The following PLA2G4F variants were observed in gnomAD, a reference collection of about 807,000 sequenced individuals.
PLA2G4F encodes the protein phospholipase A2 group IVF, also known as cytosolic phospholipase A2 zeta.
A neutral mutation model predicts 103.1 loss-of-function variants in PLA2G4F; 105 were observed. That is an observed-to-expected ratio of 1.02 (90% CI 0.87 to 1.20). The LOEUF (loss-of-function observed/expected upper bound fraction) is 1.20, where lower values mean the gene tolerates loss of function less well. Among genes scored for constraint, PLA2G4F ranks in the 50% most tolerant of loss-of-function variants. The probability of loss-of-function intolerance (pLI) is 0.00; values close to 1 mark genes in which losing one functional copy is unlikely to be tolerated. For synonymous variants in PLA2G4F, 468 were observed against 441.1 expected (o/e 1.06, Z -0.76); for missense variants, 1,155 against 1,075.9 (o/e 1.07, Z -1.03).
chr15:42,155,449 GC>G, intron 2 of PLA2G4F, 67 bp downstream of exon 2: 1 of 1,525,300 alleles, frequency 6.6e-7, no homozygotes, highest in Non-Finnish European at 9.1e-7. Context: ...CTGTTAGCCA[GC>G]CTGAGCTGAG....
chr15:42,142,095 A>G lies in PLA2G4F; in HGVS notation c.2439T>C (p.Tyr813=), dbSNP rs773319666. ...MNFTYEPQDF[Y]RLVALSRYNV... is the part of the protein sequence containing the mutation. ...TGTATCGACTGAGGGCCACCAGCCG[A>G]TAAAAGTCCTGGGGCTCATAGGTGA... The change falls in exon 20 of 20, where the codon TAT becomes TAC. Residue 813 remains tyrosine, a synonymous_variant. Transcript: ENST00000397272. The G allele has an allele frequency of 1.2e-6, 2 of 1,614,198 alleles. No homozygotes were observed. Among genetic ancestry groups the G allele is most frequent in the Non-Finnish European group, 8.5e-7 (1 of 1,180,022 alleles).
Position 42,146,128 on chromosome 15 carries a change from T to C in PLA2G4F, c.1533A>G (p.Ala511=), listed in dbSNP as rs1308237188. The C allele has an allele frequency of 6.2e-7, 1 of 1,613,688 alleles. No homozygotes were observed. The highest frequency in any genetic ancestry group is 1.7e-5 in the Admixed American group (1 of 60,026). The change falls in exon 14 of 20, where the codon GCA becomes GCG. Residue 511 remains alanine, a splice_region_variant and synonymous_variant. Transcript: ENST00000397272. ...TCCTTCGTCTCCACACCCAGGCACCTGCAAAATCTTCCCCACTCAAGTTGG... is the reference window on the plus strand; with the variant it reads ...TCCTTCGTCTCCACACCCAGGCACCCGCAAAATCTTCCCCACTCAAGTTGG... ...VRTNLSGEDF[A]EWCEFTPYEV...
Position 42,153,256 on chromosome 15 carries a change from G to T in PLA2G4F, c.534+44C>A, listed in dbSNP as rs371552729. 16 of 1,580,400 alleles carry T rather than the reference G, an allele frequency of 1.0e-5. No homozygotes were observed. In the African/African-American group the frequency reaches 2.0e-4, roughly 20 times the overall value. Reference sequence around the variant, plus strand: ...TGGGCCCTGTCACGGGTTCCTCACTGCCCCCCAGCCCAGAACAGCGCCAAG... The same window carrying T: ...TGGGCCCTGTCACGGGTTCCTCACTTCCCCCCAGCCCAGAACAGCGCCAAG... On this transcript the variant is annotated intron_variant, in intron 6 of 19. Coordinates refer to ENST00000397272, the MANE Select transcript of PLA2G4F (RefSeq NM_213600.4).
chr15:42,156,381 A>T lies in PLA2G4F; in HGVS notation c.111+58T>A, dbSNP rs1595626984. 3 of 1,414,368 alleles carry T rather than the reference A, an allele frequency of 2.1e-6. No homozygotes were observed. The East Asian group carries it at 7.6e-5, about 36-fold the overall frequency. The allele number at this position is 1,414,368 out of a possible 1,614,324, so 87.6% of individuals were successfully genotyped here. A position where few individuals can be genotyped will look rare whatever the true frequency, so the allele number is the denominator to read the frequency against. ...GGGCTGGTCTCAGTCTTCACAGGGC[A>T]CTGCAGCTCCCAGGACTCCCCCAGT... On this transcript the variant is annotated intron_variant, in intron 1 of 19. Coordinates refer to ENST00000397272, the MANE Select transcript of PLA2G4F (RefSeq NM_213600.4).
rs151072178 is a variant in PLA2G4F, at chr15:42,144,539, C to T, written c.1886G>A (p.Arg629His). The T allele has an allele frequency of 2.5e-3, 4,041 of 1,612,800 alleles. 8 individuals carry two copies. The highest frequency in any genetic ancestry group is 3.0e-3 in the Non-Finnish European group (3,571 of 1,179,998). The change falls in exon 17 of 20, where the codon CGC becomes CAC. Residue 629 changes from arginine (R) to histidine (H), a missense_variant. Physicochemically the swap from Arg to His is conservative, Grantham distance 29. Around this residue, in one of 3 missense-constraint regions of PLA2G4F, gnomAD observed 782 missense variants for 692.9 expected, o/e 1.13. Transcript: ENST00000397272. ...GTTAAAGCTCTGGGCGGAAGTGAAG[C>T]GGGAGGTGAATATGTCCAGCACAGC... ...SQAVLDIFTS[R>H]FTSAQSFNFT...
chr15:42,139,680 C>G lies in PLA2G4F; in HGVS notation c.*2304G>C, dbSNP rs1157914720. ...CTGGCTGGGTTACCTTCGGCCCCTC[C>G]CCTGGCTTCTTGCTCTGCGTGGCTC... is the stretch of plus-strand genomic sequence containing the variant. On this transcript the variant is annotated 3_prime_UTR_variant, in exon 20 of 20. Transcript: ENST00000397272. 1.3e-5 allele frequency: 2 copies of G among 152,442 alleles called. No individual in the cohort carries two copies. Among genetic ancestry groups the G allele is most frequent in the African/African-American group, 4.8e-5 (2 of 41,570 alleles). 9.4% of individuals were successfully genotyped at this position (152,442 alleles called of 1,614,324 possible).
chr15:42,147,069 G>A, intron 13 of PLA2G4F, 55 bp downstream of exon 13: 1 of 1,502,364 alleles, frequency 6.7e-7, no homozygotes, highest in Non-Finnish European at 9.2e-7. Flanking sequence ...GAAGCAAGGG[G>A]CGGGTGGAAG....
chr15:42,142,531 G>C lies in PLA2G4F; in HGVS notation c.2326C>G (p.Pro776Ala). The C allele has an allele frequency of 6.2e-7, 1 of 1,611,576 alleles. No individual in the cohort carries two copies. Among genetic ancestry groups the C allele is most frequent in the Non-Finnish European group, 8.5e-7 (1 of 1,178,522 alleles). ...VNRTFRTHLA[P>A]GVERQTAEEK... ...CCAGGCCTGGAGCTTCCCTTACCTG[G>C]GGCCAGGTGTGTGCGGAAGGTACGG... Residue 776 changes from proline (P) to alanine (A), a missense_variant, in exon 19 of 20, where the codon CCA becomes GCA. Around this residue, in one of 3 missense-constraint regions of PLA2G4F, gnomAD observed 782 missense variants for 692.9 expected, o/e 1.13. Coordinates refer to ENST00000397272, the MANE Select transcript of PLA2G4F (RefSeq NM_213600.4).
At position 42,141,997 on chromosome 15, in the gene PLA2G4F, C is replaced by T. The variant is rs1444060440; in HGVS notation, c.2537G>A (p.Arg846Lys). ...TTCCTGCCTTGGTCAGGCCCCTGCC[C>T]TCTCCCGAGCCTGGTGCCGGTCCAG... Reference protein sequence around the residue: ...LALDRHQARERAGA With the variant: ...LALDRHQAREKAGA The change falls in exon 20 of 20, where the codon AGG becomes AAG. Residue 846 changes from arginine (R) to lysine (K), a missense_variant. Arg to Lys is a conservative substitution (Grantham distance 26). Around this residue, in one of 3 missense-constraint regions of PLA2G4F, gnomAD observed 782 missense variants for 692.9 expected, o/e 1.13. Transcript: ENST00000397272. 6.2e-7 allele frequency: 1 copy of T among 1,613,742 alleles called. No homozygotes were observed. The highest frequency in any genetic ancestry group is 8.5e-7 in the Non-Finnish European group (1 of 1,179,936).
rs749586894 is a variant in PLA2G4F, at chr15:42,146,231, G to A, written c.1430C>T (p.Ala477Val). 8 of 1,614,226 alleles carry A rather than the reference G, an allele frequency of 5.0e-6. No homozygotes were observed. Among genetic ancestry groups the A allele is most frequent in the Admixed American group, 3.3e-5 (2 of 60,032 alleles). ...EYLLYQEENPAKLSDQQEAVR... is the reference protein window; with the variant it reads ...EYLLYQEENPVKLSDQQEAVR... Reference sequence around the variant, plus strand: ...CGCCTCCTGTTGGTCAGACAGCTTGGCAGGGTTCTCCTGGGCAGGAAAGAA... The same window carrying A: ...CGCCTCCTGTTGGTCAGACAGCTTGACAGGGTTCTCCTGGGCAGGAAAGAA... The change falls in exon 14 of 20, where the codon GCC (alanine) becomes GTC (valine). Residue 477 changes from alanine (A) to valine (V), a missense_variant. Ala to Val is a moderately conservative substitution (Grantham distance 64). This residue lies in a region of PLA2G4F where 782 missense variants were observed against 692.9 expected (regional missense o/e 1.13). Transcript: ENST00000397272.
chr15:42,142,050 C>T lies in PLA2G4F; in HGVS notation c.2484G>A (p.Glu828=). 2.5e-6 allele frequency: 4 copies of T among 1,614,216 alleles called. No homozygotes were observed. The highest frequency in any genetic ancestry group is 2.7e-5 in the African/African-American group (2 of 75,070). Reference sequence around the variant, plus strand: ...CCAGCTGGAGGGCGCACTTCAAGGTCTCCACGTTGTTCAGGACGTTGTATC... The same window carrying T: ...CCAGCTGGAGGGCGCACTTCAAGGTTTCCACGTTGTTCAGGACGTTGTATC... ...LSRYNVLNNV[E]TLKCALQLAL... is the part of the protein sequence containing the mutation. Residue 828 remains glutamate, a synonymous_variant, in exon 20 of 20, where the codon GAG becomes GAA. Transcript: ENST00000397272.
In PLA2G4F at chr15:42,151,641, C is replaced by T. The variant is rs182597626; in HGVS notation, c.602-864G>A. ...TTGCACTAGATGAGGCCCGGAGACTCGACATGACCAAGTGTGGGGAGGGAA... is the reference window on the plus strand; with the variant it reads ...TTGCACTAGATGAGGCCCGGAGACTTGACATGACCAAGTGTGGGGAGGGAA... On this transcript the variant is annotated intron_variant, in intron 7 of 19. Coordinates refer to ENST00000397272, the MANE Select transcript of PLA2G4F (RefSeq NM_213600.4). 746 of 985,234 alleles carry T rather than the reference C, an allele frequency of 7.6e-4. 3 individuals carry two copies. The African/African-American group carries it at 0.012, about 16-fold the overall frequency. The allele number at this position is 985,234 out of a possible 1,614,324, so 61.0% of individuals were successfully genotyped here.
At position 42,141,923 on chromosome 15, in the gene PLA2G4F, C is replaced by G; in HGVS notation, c.*61G>C. The G allele has an allele frequency of 6.6e-7, 1 of 1,511,916 alleles. No homozygotes were observed. The highest frequency in any genetic ancestry group is 9.1e-7 in the Non-Finnish European group (1 of 1,101,116). The allele number at this position is 1,511,916 out of a possible 1,614,324, so 93.7% of individuals were successfully genotyped here. On this transcript the variant is annotated 3_prime_UTR_variant, in exon 20 of 20. Coordinates refer to ENST00000397272, the MANE Select transcript of PLA2G4F (RefSeq NM_213600.4). ...AGAGTCCCCATCGCTCCTCCCTCTA[C>G]AAGCCCTGACCATGAGCAGTGTGTC... is the stretch of plus-strand genomic sequence containing the variant.
rs987326677 is a variant in PLA2G4F, at chr15:42,140,522, TGA to T, written c.*1460_*1461del. 1.3e-5 allele frequency: 2 copies of T among 152,090 alleles called. No homozygotes were observed. The highest frequency in any genetic ancestry group is 2.9e-5 in the Non-Finnish European group (2 of 68,102). The allele number at this position is 152,090 out of a possible 1,614,324, so 9.4% of individuals were successfully genotyped here. ...CGTGGCCTGTGACAGGCAGCCATGG[TGA>T]GGAGGCAGAGGAGAACTGAGGTGTC... is the stretch of plus-strand genomic sequence containing the variant. On this transcript the variant is annotated 3_prime_UTR_variant, in exon 20 of 20. Coordinates refer to ENST00000397272, the MANE Select transcript of PLA2G4F (RefSeq NM_213600.4).
chr15:42,154,191 C>G lies in PLA2G4F; in HGVS notation c.351G>C (p.Lys117Asn), dbSNP rs2140816569. Reference protein sequence around the residue: ...KNVLELTLYDKDILGSDQLSL... With the variant: ...KNVLELTLYDNDILGSDQLSL... ...AGAGCTGGTCGCTGCCCAGGATGTC[C>G]TTGTCATAGAGGGTGAGCTCCAGGA... Residue 117 changes from lysine to asparagine, a missense_variant, in exon 4 of 20, where the codon AAG (lysine) becomes AAC (asparagine). Physicochemically the swap from Lys to Asn is moderately conservative, Grantham distance 94. Coordinates refer to ENST00000397272, the MANE Select transcript of PLA2G4F (RefSeq NM_213600.4). 1 of 1,614,226 alleles carries G rather than the reference C, an allele frequency of 6.2e-7. No homozygotes were observed. The highest frequency in any genetic ancestry group is 2.2e-5 in the East Asian group (1 of 44,888).
intron 18 of PLA2G4F, among the ~76,000 whole-genome samples, chr15:42,143,417 T>G (rs1356128818): frequency 6.6e-6 from 1 of 152,054 alleles, no homozygotes; most frequent in Non-Finnish European, 1.5e-5. Context: ...AGAAGAGGCT[T>G]CATCAATCCC....
At chr15:42,144,354 C>G in intron 17 of PLA2G4F, 96 bp downstream of exon 17, 1 of 1,519,754 alleles carries the variant, frequency 6.6e-7, no homozygotes, top group African/African-American at 1.4e-5. Context: ...GGAGACCACA[C>G]CTCAACCCCC....
At chr15:42,155,421 C>T (rs903464545) in intron 2 of PLA2G4F, 96 bp downstream of exon 2, 2 of 1,312,622 alleles carry the variant, frequency 1.5e-6, no homozygotes, top group African/African-American at 1.4e-5. Context: ...CATGTATACT[C>T]TTACACACAC....
At chr15:42,145,515 T>G in intron 16 of PLA2G4F, 60 bp downstream of exon 16, 1 of 1,518,280 alleles carries the variant, frequency 6.6e-7, no homozygotes, top group Non-Finnish European at 9.1e-7. Context: ...TCTTCTTGTC[T>G]CTGCCAGGGC....
Sources: allele counts gnomAD v4.1 joint callset (sites outside exome capture counted in the v4.1 genomes callset), GRCh38; gene constraint gnomAD v4.1.1; regional missense constraint gnomAD v4.1.1; transcripts MANE v1.5; gene names NCBI Gene and HGNC (gene_info 2026-07-23, HGNC 2026-07-21).